ZMAT4: variants seen among roughly 807,000 people sequenced by gnomAD.
ZMAT4 encodes zinc finger matrin-type 4, also known as zinc finger matrin-type protein 4.
ZMAT4 carries 17 observed loss-of-function variants against 28.7 expected under a neutral mutation model. The ratio of observed to expected loss-of-function variants is 0.59; its 90% CI spans 0.41 to 0.89. The LOEUF is 0.89. Among genes scored for constraint, ZMAT4 ranks in the 40% least tolerant of loss-of-function variants. The probability of loss-of-function intolerance (pLI) is 0.00; values close to 1 mark genes in which losing one functional copy is unlikely to be tolerated. For synonymous variants in ZMAT4, 117 were observed against 109.2 expected, an observed-to-expected ratio of 1.07 and a Z score of -0.44; for missense variants, 240 against 283.8, an observed-to-expected ratio of 0.85 and a Z score of 1.11.
Position 40,788,232 on chromosome 8 carries a change from T to C in ZMAT4, c.103-20502A>G, listed in dbSNP as rs74802537. On this transcript the variant is annotated intron_variant, in intron 2 of 6. Transcript: ENST00000297737. ...GTAATATTATAAATGACTCTGCCAATTAATTCTACAACTTAGATGAAATGA... is the reference window on the plus strand; with the variant it reads ...GTAATATTATAAATGACTCTGCCAACTAATTCTACAACTTAGATGAAATGA... 1.1e-3 allele frequency among the ~76,000 whole-genome samples: 162 copies of C among 152,302 alleles called. 2 individuals carry two copies. In the East Asian group the frequency reaches 0.029, roughly 27 times the overall value.
intron 5 of ZMAT4, among the ~76,000 whole-genome samples, chr8:40,646,143 G>A (rs1807303276): frequency 6.6e-6 from 1 of 151,716 alleles, no homozygotes; most frequent in Non-Finnish European, 1.5e-5. Context: ...GAAAATTTTT[G>A]CTTTTTAAGT....
intron 5 of ZMAT4, among the ~76,000 whole-genome samples, chr8:40,654,952 G>T (rs376253433): frequency 6.6e-6 from 1 of 151,864 alleles, no homozygotes; most frequent in Non-Finnish European, 1.5e-5. Flanking sequence ...GGCCAGTACC[G>T]TTAGGAAAGA....
chr8:40,859,550 C>T (rs1196103133), intron 1 of ZMAT4, among the ~76,000 whole-genome samples: 2 of 152,160 alleles, frequency 1.3e-5, no homozygotes, highest in Non-Finnish European at 2.9e-5. Flanking sequence ...CTATTGCCTT[C>T]AGTGGGCTTT....
chr8:40,664,502 C>T (rs1424522950), intron 5 of ZMAT4, among the ~76,000 whole-genome samples: 3 of 152,216 alleles, frequency 2.0e-5, no homozygotes, highest in Non-Finnish European at 4.4e-5. Context: ...ATCCATCTGT[C>T]CTGCCCTCTG....
intron 5 of ZMAT4, among the ~76,000 whole-genome samples, chr8:40,592,248 TG>T (rs1357229619): frequency 6.6e-6 from 1 of 152,140 alleles, no homozygotes; most frequent in Admixed American, 6.6e-5. Flanking sequence ...ATATTAGGAA[TG>T]GGGGCGCATC....
At chr8:40,777,517 G>T (rs1330227578) in intron 2 of ZMAT4, among the ~76,000 whole-genome samples, 1 of 152,230 alleles carries the variant, frequency 6.6e-6, no homozygotes, top group Non-Finnish European at 1.5e-5. Flanking sequence ...GAAAGCACTG[G>T]TGGAGTGGTG....
At chr8:40,893,241 C>G (rs1325375230) in intron 1 of ZMAT4, among the ~76,000 whole-genome samples, 1 of 152,194 alleles carries the variant, frequency 6.6e-6, no homozygotes, top group African/African-American at 2.4e-5. Flanking sequence ...CGCTGATCAC[C>G]ATGGCCCGCA....
At chr8:40,757,644 T>C (rs1035532330) in intron 3 of ZMAT4, among the ~76,000 whole-genome samples, 3 of 151,874 alleles carry the variant, frequency 2.0e-5, no homozygotes, top group Non-Finnish European at 4.4e-5. Context: ...CCATACTTTA[T>C]GTAAAATATA....
At chr8:40,881,433 G>GAGAGAGAGAGAA (rs1554497923) in intron 1 of ZMAT4, among the ~76,000 whole-genome samples, 7 of 70,228 alleles carry the variant, frequency 1.0e-4, no homozygotes, top group African/African-American at 3.6e-4. Context: ...AGAAGAAAGA[G>GAGAGAGAGAGAA]AGAAAGAAAG....
At chr8:40,765,780 T>C (rs1199303629) in intron 3 of ZMAT4, among the ~76,000 whole-genome samples, 1 of 152,208 alleles carries the variant, frequency 6.6e-6, no homozygotes, top group Admixed American at 6.5e-5. Flanking sequence ...TCTGTTTTTT[T>C]GCCACTTTAA....
At chr8:40,678,198 G>T (rs925795671) in intron 4 of ZMAT4, among the ~76,000 whole-genome samples, 1 of 152,172 alleles carries the variant, frequency 6.6e-6, no homozygotes, top group African/African-American at 2.4e-5. Context: ...AACAGCAATG[G>T]AGCTAGTTTT....
chr8:40,618,903 T>C (rs1171970978), intron 5 of ZMAT4, among the ~76,000 whole-genome samples: 1 of 152,138 alleles, frequency 6.6e-6, no homozygotes, highest in Non-Finnish European at 1.5e-5. Context: ...CAGGAAACAC[T>C]AATGGGGAGT....
intron 2 of ZMAT4, among the ~76,000 whole-genome samples, chr8:40,778,884 T>A: frequency 6.6e-6 from 1 of 152,172 alleles, no homozygotes; most frequent in Non-Finnish European, 1.5e-5. Flanking sequence ...GGTGGTTGAG[T>A]AGAGGATTTT....
In ZMAT4 at chr8:40,818,799, G is replaced by A. The variant is rs186689144; in HGVS notation, c.102+6776C>T. ...CTGATCTAAAACCCACAACTCTCAC[G>A]CATCAGAAGGAAGTCATTTAGCCCG... On this transcript the variant is annotated intron_variant, in intron 2 of 6. Transcript: ENST00000297737. Among the ~76,000 whole-genome samples the A allele has an allele frequency of 3.0e-3, 463 of 152,272 alleles. 2 individuals are homozygous for A. Among genetic ancestry groups the A allele is most frequent in the Non-Finnish European group, 4.9e-3 (336 of 68,030 alleles).
chr8:40,531,011 C>A lies in ZMAT4; in HGVS notation c.*1212G>T, dbSNP rs1222595346. ...ATTGCTGACACAAGAAGATGGATTG[C>A]CTATGGTCGTTAGGGACACAGGGCA... On this transcript the variant is annotated 3_prime_UTR_variant, in exon 7 of 7. Coordinates refer to ENST00000297737, the MANE Select transcript of ZMAT4 (RefSeq NM_024645.3). 1 of 152,620 alleles carries A rather than the reference C, an allele frequency of 6.6e-6. No homozygotes were observed. Among genetic ancestry groups the A allele is most frequent in the Non-Finnish European group, 1.5e-5 (1 of 68,084 alleles). 9.5% of individuals were successfully genotyped at this position (152,620 alleles called of 1,614,324 possible). A position where few individuals can be genotyped will look rare whatever the true frequency, so the allele number is the denominator to read the frequency against.
At chr8:40,726,931 C>T (rs1811337207) in intron 3 of ZMAT4, among the ~76,000 whole-genome samples, 1 of 152,182 alleles carries the variant, frequency 6.6e-6, no homozygotes, top group South Asian at 2.1e-4. Flanking sequence ...GTTCATAAGC[C>T]TGGATTTCAT....
chr8:40,566,171 C>G (rs1056776801), intron 6 of ZMAT4, among the ~76,000 whole-genome samples: 8 of 152,132 alleles, frequency 5.3e-5, no homozygotes, highest in Non-Finnish European at 2.9e-5. Context: ...CACACTATCT[C>G]ACTGAAAACC....
intron 1 of ZMAT4, among the ~76,000 whole-genome samples, chr8:40,838,388 C>T (rs1053951039): frequency 2.0e-5 from 3 of 152,114 alleles, no homozygotes; most frequent in Admixed American, 6.5e-5. Context: ...TCTTACCCAG[C>T]CTGGAGTGCA....
At chr8:40,540,491 C>T (rs1389990271) in intron 6 of ZMAT4, among the ~76,000 whole-genome samples, 4 of 152,190 alleles carry the variant, frequency 2.6e-5, no homozygotes, top group Non-Finnish European at 5.9e-5. Flanking sequence ...ATTTGGGACC[C>T]TCCTAGACCT....
Sources: allele counts gnomAD v4.1 joint callset (sites outside exome capture counted in the v4.1 genomes callset), GRCh38; gene constraint gnomAD v4.1.1; transcripts MANE v1.5; gene names NCBI Gene and HGNC (gene_info 2026-07-23, HGNC 2026-07-21).